The following VPS13B variants were observed in gnomAD, a reference collection of about 807,000 sequenced individuals.
The protein encoded by VPS13B is intermembrane lipid transfer protein VPS13B.
In VPS13B, 285 loss-of-function variants were observed where a neutral mutation model predicts 426.4. The ratio of observed to expected loss-of-function variants is 0.67; its 90% CI spans 0.61 to 0.74. The LOEUF is 0.74. Among genes scored for constraint, VPS13B ranks in the 30% least tolerant of loss-of-function variants. The probability of loss-of-function intolerance (pLI) is 0.00; values close to 1 mark genes in which losing one functional copy is unlikely to be tolerated. For missense variants in VPS13B, 4,537 were observed against 4,782.6 expected, an observed-to-expected ratio of 0.95 and a Z score of 1.51; for synonymous variants, 1,676 against 1,676.4, an observed-to-expected ratio of 1.00 and a Z score of 0.01.
intron 21 of VPS13B, among the ~76,000 whole-genome samples, chr8:99,410,609 A>C (rs1815590127): frequency 6.6e-6 from 1 of 151,680 alleles, no homozygotes; most frequent in South Asian, 2.1e-4. Flanking sequence ...ACATGTGTAG[A>C]ACATGAATGT....
intron 58 of VPS13B, among the ~76,000 whole-genome samples, chr8:99,863,686 C>T (rs556867298): frequency 8.5e-5 from 13 of 152,302 alleles, no homozygotes; most frequent in African/African-American, 2.9e-4. Context: ...ATGAGGTCAT[C>T]TTTCTGGGCG....
chr8:99,077,160 A>G (rs898482224), intron 3 of VPS13B, among the ~76,000 whole-genome samples: 7 of 151,880 alleles, frequency 4.6e-5, no homozygotes, highest in African/African-American at 1.7e-4. Flanking sequence ...TTCTCTTAGA[A>G]AGATGTTACT....
In VPS13B at chr8:99,871,653, C is replaced by T. The variant is rs760600864; in HGVS notation, c.11701C>T (p.Leu3901Phe). The change falls in exon 61 of 62, where the codon CTC (leucine) becomes TTC (phenylalanine). Residue 3901 changes from leucine to phenylalanine, a missense_variant. Coordinates refer to ENST00000357162, the MANE Select transcript of VPS13B (RefSeq NM_152564.5). The stretch of plus-strand genomic sequence containing the variant: ...ACAGGACAGCAAGCAGAACAACTTA[C>T]TCACAGTGCAGCTCAAGCAGCCAAG... The part of the protein sequence containing the change: ...CAQDSKQNNL[L>F]TVQLKQPRVA... 2 of 1,614,008 alleles carry T rather than the reference C, an allele frequency of 1.2e-6. No homozygotes were observed. The highest frequency in any genetic ancestry group is 1.7e-6 in the Non-Finnish European group (2 of 1,180,048).
intron 19 of VPS13B, among the ~76,000 whole-genome samples, chr8:99,294,188 C>A (rs1819901477): frequency 1.7e-5 from 1 of 58,724 alleles, no homozygotes; most frequent in Admixed American, 1.2e-4. Flanking sequence ...GGCACATATA[C>A]ATCATGGAAT....
chr8:99,745,909 T>G (rs1461584715), intron 39 of VPS13B, among the ~76,000 whole-genome samples: 4 of 152,046 alleles, frequency 2.6e-5, no homozygotes, highest in African/African-American at 9.7e-5. Context: ...TTATACTCTA[T>G]CTATATTTTT....
chr8:99,230,368 C>T (rs1489727610), intron 17 of VPS13B, among the ~76,000 whole-genome samples: 1 of 152,142 alleles, frequency 6.6e-6, no homozygotes, highest in African/African-American at 2.4e-5. Flanking sequence ...ATAGCAGGGA[C>T]CTGCACAGTG....
chr8:99,738,762 A>C (rs966941285), intron 39 of VPS13B, among the ~76,000 whole-genome samples: 1 of 152,234 alleles, frequency 6.6e-6, no homozygotes, highest in Non-Finnish European at 1.5e-5. Flanking sequence ...TACAATCAAC[A>C]TAGACCAATA....
intron 3 of VPS13B, among the ~76,000 whole-genome samples, chr8:99,088,308 C>T (rs1432878029): frequency 6.6e-6 from 1 of 151,604 alleles, no homozygotes; most frequent in East Asian, 1.9e-4. Flanking sequence ...TTATATGACT[C>T]ATGGTCAGGC....
intron 22 of VPS13B, among the ~76,000 whole-genome samples, chr8:99,436,121 A>G (rs1269810287): frequency 1.3e-5 from 2 of 152,204 alleles, no homozygotes; most frequent in Non-Finnish European, 2.9e-5. Context: ...CAGAGAGTTC[A>G]TGAAAGCAAA....
At chr8:99,612,746 G>C (rs377398598) in intron 33 of VPS13B, among the ~76,000 whole-genome samples, 2 of 152,208 alleles carry the variant, frequency 1.3e-5, no homozygotes, top group African/African-American at 4.8e-5. Flanking sequence ...TCTACACTCA[G>C]CATTTAGAGG....
chr8:99,377,937 C>T (rs180868729), intron 19 of VPS13B, among the ~76,000 whole-genome samples: 55 of 152,254 alleles, frequency 3.6e-4, no homozygotes, highest in Admixed American at 9.2e-4. Flanking sequence ...AATGAAATTC[C>T]GTGTCCCGCT....
At chr8:99,727,991 T>C (rs943474817) in intron 39 of VPS13B, among the ~76,000 whole-genome samples, 3 of 152,210 alleles carry the variant, frequency 2.0e-5, no homozygotes, top group African/African-American at 4.8e-5. Flanking sequence ...AATATCCTTC[T>C]AATAGTTTGG....
At chr8:99,396,867 C>T (rs1251780421) in intron 21 of VPS13B, among the ~76,000 whole-genome samples, 1 of 151,956 alleles carries the variant, frequency 6.6e-6, no homozygotes, top group Non-Finnish European at 1.5e-5. Context: ...TATTTTTTGG[C>T]CTTGATATAT....
intron 35 of VPS13B, among the ~76,000 whole-genome samples, chr8:99,669,557 TA>T (rs1830622935): frequency 6.6e-6 from 1 of 152,204 alleles, no homozygotes; most frequent in South Asian, 2.1e-4. Flanking sequence ...AACATGGTTA[TA>T]TCAAACACAA....
intron 19 of VPS13B, among the ~76,000 whole-genome samples, chr8:99,309,333 T>A (rs1007610849): frequency 6.6e-6 from 1 of 152,240 alleles, no homozygotes; most frequent in East Asian, 1.9e-4. Flanking sequence ...TGTAAGTCTT[T>A]AATCCATCGT....
intron 8 of VPS13B, among the ~76,000 whole-genome samples, chr8:99,129,422 G>A (rs976653061): frequency 2.6e-5 from 4 of 151,528 alleles, no homozygotes; most frequent in Non-Finnish European, 5.9e-5. Flanking sequence ...AAATAAATTA[G>A]CAGGGCATGG....
chr8:99,342,747 T>G (rs1488109017), intron 19 of VPS13B, among the ~76,000 whole-genome samples: 1 of 152,198 alleles, frequency 6.6e-6, no homozygotes, highest in African/African-American at 2.4e-5. Context: ...TTCAGTTCCT[T>G]TGGTTATATA....
chr8:99,366,447 AC>A (rs777977416), intron 19 of VPS13B, among the ~76,000 whole-genome samples: 48 of 147,510 alleles, frequency 3.3e-4, no homozygotes, highest in Non-Finnish European at 4.2e-4. Flanking sequence ...TTCTTTTTCC[AC>A]CCCTTCATTT....
chr8:99,056,473 A>G (rs556770866), intron 3 of VPS13B, among the ~76,000 whole-genome samples: 21 of 152,332 alleles, frequency 1.4e-4, no homozygotes, highest in African/African-American at 2.2e-4. Context: ...CTGAAAATAT[A>G]TAGAGATAGT....
Sources: gnomAD v4.1 joint callset for allele counts (sites outside exome capture counted in the v4.1 genomes callset) on GRCh38, gnomAD v4.1.1 for gene constraint, MANE v1.5 for transcripts, NCBI Gene and HGNC (gene_info 2026-07-23, HGNC 2026-07-21) for gene names.